The following PILRA variants were observed in gnomAD, a reference collection of about 807,000 sequenced individuals.
PILRA encodes the protein paired immunoglobulin-like type 2 receptor alpha.
Under a neutral mutation model 33.1 loss-of-function variants are expected in PILRA, and 37 were observed. The ratio of observed to expected loss-of-function variants is 1.12; its 90% CI spans 0.86 to 1.47. The LOEUF (loss-of-function observed/expected upper bound fraction) is 1.47, where lower values mean the gene tolerates loss of function less well. Ranked by LOEUF, PILRA falls within the 40% of genes most tolerant of loss-of-function variation. The pLI is 0.00. For synonymous variants in PILRA, 146 were observed against 149.9 expected, an observed-to-expected ratio of 0.97 and a Z score of 0.19; for missense variants, 312 against 376.2, an observed-to-expected ratio of 0.83 and a Z score of 1.41.
chr7:100,380,417 T>A (rs1791063632), intron 2 of PILRA, among the ~76,000 whole-genome samples: 1 of 152,192 alleles, frequency 6.6e-6, no homozygotes. Flanking sequence ...ACCTCGTGCA[T>A]GTGATGAGAG....
chr7:100,384,983 A>G lies in PILRA; in HGVS notation c.455-4905A>G, dbSNP rs139352809. 2.5e-3 allele frequency among the ~76,000 whole-genome samples: 381 copies of G among 152,312 alleles called. 2 individuals are homozygous for G. The highest frequency in any genetic ancestry group is 7.7e-3 in the South Asian group (37 of 4,830). ...AGATGGTGTCCCAGAAGCCAAGTGA[A>G]TAACTCACTTCACAAAAGGGAGAGT... On this transcript the variant is annotated intron_variant, in intron 2 of 6. Coordinates refer to ENST00000198536, the MANE Select transcript of PILRA (RefSeq NM_013439.3).
intron 2 of PILRA, among the ~76,000 whole-genome samples, chr7:100,382,686 C>CA (rs1791139278): frequency 6.6e-6 from 1 of 152,190 alleles, no homozygotes; most frequent in African/African-American, 2.4e-5. Context: ...GGCTCTGGTT[C>CA]TCTTCTACGG....
At chr7:100,380,182 T>C (rs999401945) in intron 2 of PILRA, among the ~76,000 whole-genome samples, 2 of 152,180 alleles carry the variant, frequency 1.3e-5, no homozygotes, top group African/African-American at 4.8e-5. Flanking sequence ...CTGGTCCTCA[T>C]ACCGAATCCC....
chr7:100,379,120 T>C (rs1342440714), intron 2 of PILRA, among the ~76,000 whole-genome samples: 1 of 146,186 alleles, frequency 6.8e-6, no homozygotes, highest in South Asian at 2.2e-4. Flanking sequence ...AAGTAATGCA[T>C]AGGCCAGGTG....
At chr7:100,383,451 A>C (rs967525738) in intron 2 of PILRA, among the ~76,000 whole-genome samples, 2 of 152,136 alleles carry the variant, frequency 1.3e-5, no homozygotes, top group South Asian at 4.1e-4. Flanking sequence ...GGAGGTTGGG[A>C]GAAGAATGTT....
At chr7:100,393,854 T>TA (rs985725200) in intron 3 of PILRA, among the ~76,000 whole-genome samples, 9 of 152,076 alleles carry the variant, frequency 5.9e-5, no homozygotes, top group Admixed American at 3.9e-4. Context: ...AACTCTCTGT[T>TA]CCCTTTTAAA....
At chr7:100,393,934 T>C (rs1032932640) in intron 3 of PILRA, among the ~76,000 whole-genome samples, 1 of 152,122 alleles carries the variant, frequency 6.6e-6, no homozygotes, top group Non-Finnish European at 1.5e-5. Flanking sequence ...ACACAGCCGA[T>C]CCCCGCCCCT....
At chr7:100,383,268 A>G (rs1791160808) in intron 2 of PILRA, among the ~76,000 whole-genome samples, 1 of 152,148 alleles carries the variant, frequency 6.6e-6, no homozygotes, top group African/African-American at 2.4e-5. Context: ...AGAAATGTGT[A>G]GAGAGGAACT....
At chr7:100,377,867 C>T (rs140402596) in intron 2 of PILRA, among the ~76,000 whole-genome samples, 173 of 152,192 alleles carry the variant, frequency 1.1e-3, no homozygotes, top group African/African-American at 3.9e-3. Context: ...TTTTTATCTG[C>T]TTCTCTATTG....
chr7:100,372,464 G>A (rs1286714847), upstream of PILRA, among the ~76,000 whole-genome samples: 1 of 152,156 alleles, frequency 6.6e-6, no homozygotes, highest in African/African-American at 2.4e-5. Context: ...CCCCTCAACT[G>A]ATGCCACCTC....
rs201745049 is a variant in PILRA, at chr7:100,374,024, T to C, written c.65-20T>C. ...GGTGGTTTCAAGGTCTCTCCCCTACTCACTCCCTCCCTCCTCTAGGTGGCT... is the reference window on the plus strand; with the variant it reads ...GGTGGTTTCAAGGTCTCTCCCCTACCCACTCCCTCCCTCCTCTAGGTGGCT... On this transcript the variant is annotated intron_variant, in intron 1 of 6. Transcript: ENST00000198536. 8.9e-5 allele frequency: 143 copies of C among 1,610,222 alleles called. No individual in the cohort carries two copies. Among genetic ancestry groups the C allele is most frequent in the Non-Finnish European group, 1.2e-4 (136 of 1,177,408 alleles).
chr7:100,380,065 C>T (rs1791053114), intron 2 of PILRA, among the ~76,000 whole-genome samples: 1 of 152,136 alleles, frequency 6.6e-6, no homozygotes, highest in Non-Finnish European at 1.5e-5. Context: ...CCTCCATTCC[C>T]CATTCCCCTA....
At chr7:100,381,468 TAAA>T (rs1342603214) in intron 2 of PILRA, among the ~76,000 whole-genome samples, 127 of 130,694 alleles carry the variant, frequency 9.7e-4, no homozygotes, top group Non-Finnish European at 1.3e-4. Flanking sequence ...AAAAAAAAAT[TAAA>T]AAAACCCACC....
At chr7:100,382,372 C>T (rs949717949) in intron 2 of PILRA, among the ~76,000 whole-genome samples, 6 of 152,196 alleles carry the variant, frequency 3.9e-5, no homozygotes, top group Admixed American at 3.9e-4. Context: ...CTAGTGAGGA[C>T]TTGGAGGACC....
intron 2 of PILRA, among the ~76,000 whole-genome samples, chr7:100,388,460 C>T (rs1754611371): frequency 6.6e-6 from 1 of 151,960 alleles, no homozygotes; most frequent in Admixed American, 6.6e-5. Context: ...TGGCTTGGCA[C>T]AGTGGCTCAC....
At chr7:100,372,707 T>C (rs971771748), upstream of PILRA, among the ~76,000 whole-genome samples, 4 of 152,158 alleles carry the variant, frequency 2.6e-5, no homozygotes, top group Admixed American at 2.6e-4. Flanking sequence ...AGGGGCTGTA[T>C]GAAGGGACAG....
intron 2 of PILRA, among the ~76,000 whole-genome samples, chr7:100,386,042 G>A (rs1205237863): frequency 6.6e-6 from 1 of 151,654 alleles, no homozygotes; most frequent in Non-Finnish European, 1.5e-5. Flanking sequence ...TGATTCTCCT[G>A]CCTCAGCCTC....
intron 3 of PILRA, among the ~76,000 whole-genome samples, chr7:100,396,132 TAAATAAA>T (rs766491913): frequency 3.1e-4 from 47 of 151,310 alleles, no homozygotes; most frequent in Non-Finnish European, 6.5e-4. Context: ...TCAAAATAAA[TAAATAAA>T]TAAATAAATA....
chr7:100,381,121 C>T (rs1391665487), intron 2 of PILRA, among the ~76,000 whole-genome samples: 1 of 151,972 alleles, frequency 6.6e-6, no homozygotes, highest in Non-Finnish European at 1.5e-5. Context: ...AAAAAATTAG[C>T]CGGGTGTGGT....
Sources: allele counts gnomAD v4.1 joint callset (sites outside exome capture counted in the v4.1 genomes callset), GRCh38; gene constraint gnomAD v4.1.1; transcripts MANE v1.5; gene names NCBI Gene and HGNC (gene_info 2026-07-23, HGNC 2026-07-21).